Variants in PPFIA2 observed in about 807,000 individuals in gnomAD.
The protein encoded by PPFIA2 is PPFI scaffold protein A2.
PPFIA2 carries 46 observed loss-of-function variants against 175.5 expected under a neutral mutation model. That is an observed-to-expected ratio of 0.26 (90% confidence interval 0.21 to 0.34). The LOEUF is 0.34. PPFIA2 is among the 10% of genes least tolerant of loss of function. The probability of loss-of-function intolerance (pLI) is 1.00; values close to 1 mark genes in which losing one functional copy is unlikely to be tolerated. For synonymous variants in PPFIA2, 568 were observed against 511.4 expected (o/e 1.11, Z -1.49); for missense variants, 1,179 against 1,506.1 (o/e 0.78, Z 3.60).
chr12:81,683,372 C>T (rs913103839), intron 3 of PPFIA2, among the ~76,000 whole-genome samples: 1 of 151,548 alleles, frequency 6.6e-6, no homozygotes, highest in African/African-American at 2.4e-5. Flanking sequence ...ATATAGCTTT[C>T]TAACTGTTGT....
chr12:81,309,893 T>C (rs1393524206), intron 22 of PPFIA2, among the ~76,000 whole-genome samples: 5 of 152,174 alleles, frequency 3.3e-5, no homozygotes, highest in East Asian at 1.9e-4. Context: ...ACAAATATGA[T>C]TGAATCATAC....
At chr12:81,461,216 C>G (rs1459507787) in intron 4 of PPFIA2, among the ~76,000 whole-genome samples, 1 of 152,016 alleles carries the variant, frequency 6.6e-6, no homozygotes, top group African/African-American at 2.4e-5. Flanking sequence ...CCAAGCTAAC[C>G]ATTTTACATG....
At chr12:81,748,986 G>C (rs1324061064) in intron 3 of PPFIA2, among the ~76,000 whole-genome samples, 1 of 143,392 alleles carries the variant, frequency 7.0e-6, no homozygotes, top group African/African-American at 2.4e-5. Context: ...TTTCATTATT[G>C]ATTGCTATTT....
intron 4 of PPFIA2, among the ~76,000 whole-genome samples, chr12:81,483,486 A>G (rs1476173870): frequency 6.6e-6 from 1 of 152,134 alleles, no homozygotes; most frequent in Non-Finnish European, 1.5e-5. Context: ...CAGCAAATCC[A>G]TAGAGGAAGA....
intron 15 of PPFIA2, among the ~76,000 whole-genome samples, 185 bp downstream of exon 15, chr12:81,362,508 A>G (rs988605183): frequency 3.3e-5 from 5 of 151,674 alleles, no homozygotes; most frequent in Non-Finnish European, 7.4e-5. Context: ...ATCTACAGAA[A>G]TAATCTCTAA....
intron 7 of PPFIA2, among the ~76,000 whole-genome samples, chr12:81,434,241 CAT>C (rs1250022992): frequency 2.6e-5 from 4 of 151,852 alleles, no homozygotes; most frequent in Non-Finnish European, 5.9e-5. Context: ...ATATTGTTAA[CAT>C]ATATTAATAT....
chr12:81,627,104 T>C (rs1453791682), intron 4 of PPFIA2, among the ~76,000 whole-genome samples: 1 of 151,998 alleles, frequency 6.6e-6, no homozygotes, highest in Non-Finnish European at 1.5e-5. Flanking sequence ...ATGATGGTTA[T>C]CAGAGGCTGA....
intron 4 of PPFIA2, among the ~76,000 whole-genome samples, chr12:81,505,022 A>G (rs2060997457): frequency 6.6e-6 from 1 of 152,296 alleles, no homozygotes; most frequent in African/African-American, 2.4e-5. Context: ...GAGGGATAGC[A>G]TTAGGAGAAA....
chr12:81,754,246 G>A, intron 2 of PPFIA2, 23 bp from the exon 3 acceptor site: 1 of 1,568,306 alleles, frequency 6.4e-7, no homozygotes, highest in Admixed American at 1.9e-5. Context: ...AAGTGGGAAG[G>A]AGTCTTAGTA....
chr12:81,456,084 C>A (rs1460963204), intron 5 of PPFIA2, among the ~76,000 whole-genome samples: 1 of 152,190 alleles, frequency 6.6e-6, no homozygotes, highest in Non-Finnish European at 1.5e-5. Context: ...TCTGCTCCTA[C>A]TTTTACACTT....
intron 4 of PPFIA2, among the ~76,000 whole-genome samples, chr12:81,497,659 C>A (rs919080692): frequency 6.6e-6 from 1 of 151,198 alleles, no homozygotes; most frequent in African/African-American, 2.4e-5. Flanking sequence ...CCTGTCTCAG[C>A]CTCCTGAGTA....
At chr12:81,705,617 A>C (rs1436919306) in intron 3 of PPFIA2, among the ~76,000 whole-genome samples, 1 of 152,150 alleles carries the variant, frequency 6.6e-6, no homozygotes, top group Non-Finnish European at 1.5e-5. Flanking sequence ...CAAGCACAAT[A>C]TCTCAGTGAA....
At chr12:81,597,569 T>G (rs1418064994) in intron 4 of PPFIA2, among the ~76,000 whole-genome samples, 1 of 152,110 alleles carries the variant, frequency 6.6e-6, no homozygotes, top group Non-Finnish European at 1.5e-5. Context: ...GTTTGCAAAG[T>G]TCATAAAATG....
intron 4 of PPFIA2, among the ~76,000 whole-genome samples, chr12:81,625,061 T>C (rs889541950): frequency 6.6e-6 from 1 of 151,876 alleles, no homozygotes; most frequent in African/African-American, 2.4e-5. Flanking sequence ...CTAAATAAAC[T>C]GATTTTATTA....
chr12:81,316,653 T>A (rs1438422930), intron 22 of PPFIA2, among the ~76,000 whole-genome samples: 1 of 151,604 alleles, frequency 6.6e-6, no homozygotes, highest in Non-Finnish European at 1.5e-5. Context: ...TCCCCACTCT[T>A]TAAAAGCATG....
intron 4 of PPFIA2, among the ~76,000 whole-genome samples, chr12:81,570,878 T>C (rs772380034): frequency 2.2e-4 from 33 of 151,952 alleles, no homozygotes; most frequent in Non-Finnish European, 3.8e-4. Context: ...ACTGAAGATA[T>C]GATCTCTTAC....
chr12:81,731,377 C>A lies in PPFIA2; in HGVS notation c.249+22596G>T, dbSNP rs557144914. On this transcript the variant is annotated intron_variant, in intron 3 of 32. Transcript: ENST00000549396. ...AGGTTTAGCACTTTTTTTGTAATTTCTCTTGGCTATGAATGTGGGTCTCAT... is the reference window on the plus strand; with the variant it reads ...AGGTTTAGCACTTTTTTTGTAATTTATCTTGGCTATGAATGTGGGTCTCAT... 4.0e-5 allele frequency among the ~76,000 whole-genome samples: 6 copies of A among 151,606 alleles called. No homozygotes were observed. In the South Asian group the frequency reaches 1.0e-3, roughly 26 times the overall value.
At chr12:81,329,756 C>T (rs1348206431) in intron 21 of PPFIA2, among the ~76,000 whole-genome samples, 2 of 152,162 alleles carry the variant, frequency 1.3e-5, no homozygotes, top group Non-Finnish European at 2.9e-5. Context: ...ACCCAGGCTC[C>T]TGCTGTTTGG....
At chr12:81,449,837 T>G (rs1302601985) in intron 5 of PPFIA2, among the ~76,000 whole-genome samples, 1 of 139,132 alleles carries the variant, frequency 7.2e-6, no homozygotes, top group African/African-American at 2.6e-5. Flanking sequence ...CCCCTTCCTG[T>G]GTCCAAATGT....
Sources: gnomAD v4.1 joint callset for allele counts (sites outside exome capture counted in the v4.1 genomes callset) on GRCh38, gnomAD v4.1.1 for gene constraint, MANE v1.5 for transcripts, NCBI Gene and HGNC (gene_info 2026-07-23, HGNC 2026-07-21) for gene names.